The following LRRTM4 variants were observed in gnomAD, a reference collection of about 807,000 sequenced individuals.
The protein encoded by LRRTM4 is leucine rich repeat transmembrane neuronal 4.
Under a neutral mutation model 47.6 loss-of-function variants are expected in LRRTM4, and 25 were observed. The ratio of observed to expected loss-of-function variants is 0.53; its 90% CI spans 0.38 to 0.73. The LOEUF is 0.73. Among genes scored for constraint, LRRTM4 ranks in the 30% least tolerant of loss-of-function variants. The pLI is 0.00. For synonymous variants in LRRTM4, 311 were observed against 269.5 expected, an observed-to-expected ratio of 1.15 and a Z score of -1.51; for missense variants, 638 against 713.4, an observed-to-expected ratio of 0.89 and a Z score of 1.20.
At chr2:77,391,610 T>C (rs2103815392) in intron 3 of LRRTM4, among the ~76,000 whole-genome samples, 1 of 152,112 alleles carries the variant, frequency 6.6e-6, no homozygotes, top group Admixed American at 6.6e-5. Flanking sequence ...TACATCCATG[T>C]TCATGGAAAG....
At chr2:77,385,736 T>C (rs1252691482) in intron 3 of LRRTM4, among the ~76,000 whole-genome samples, 3 of 145,620 alleles carry the variant, frequency 2.1e-5, no homozygotes, top group Non-Finnish European at 4.5e-5. Flanking sequence ...ATGTAGTACA[T>C]GGTACTTTTT....
intron 3 of LRRTM4, among the ~76,000 whole-genome samples, chr2:77,104,815 T>C (rs1201848917): frequency 6.6e-6 from 1 of 152,190 alleles, no homozygotes; most frequent in African/African-American, 2.4e-5. Flanking sequence ...CCACTCATTG[T>C]TCACTTCAGG....
intron 3 of LRRTM4, among the ~76,000 whole-genome samples, chr2:77,173,374 T>C (rs952126020): frequency 2.6e-5 from 4 of 152,192 alleles, no homozygotes; most frequent in Non-Finnish European, 5.9e-5. Flanking sequence ...AATTATAGAA[T>C]GTCTGTTTAG....
chr2:77,188,604 A>G (rs112207684), intron 3 of LRRTM4, among the ~76,000 whole-genome samples: 81 of 152,192 alleles, frequency 5.3e-4, no homozygotes, highest in African/African-American at 1.8e-3. Flanking sequence ...TCCACACCCA[A>G]ATATGATCCA....
At chr2:77,052,428 C>A (rs1679467809) in intron 3 of LRRTM4, among the ~76,000 whole-genome samples, 1 of 151,968 alleles carries the variant, frequency 6.6e-6, no homozygotes, top group Non-Finnish European at 1.5e-5. Flanking sequence ...CTTGGCCTCC[C>A]AAAGTGCTGG....
chr2:76,910,519 A>G (rs999706132), intron 3 of LRRTM4, among the ~76,000 whole-genome samples: 2 of 152,170 alleles, frequency 1.3e-5, no homozygotes, highest in Non-Finnish European at 2.9e-5. Flanking sequence ...AAAAGGCATC[A>G]TTCTTATAGC....
chr2:76,944,595 G>C (rs140372214), intron 3 of LRRTM4, among the ~76,000 whole-genome samples: 1 of 152,098 alleles, frequency 6.6e-6, no homozygotes, highest in East Asian at 1.9e-4. Context: ...GAGGTATAAG[G>C]AGGTTCATCT....
chr2:77,224,755 C>G lies in LRRTM4; in HGVS notation c.1551+293563G>C, dbSNP rs1573103734. Among the ~76,000 whole-genome samples the G allele has an allele frequency of 1.3e-5, 2 of 152,252 alleles. 1 individual carries two copies. Among genetic ancestry groups the G allele is most frequent in the African/African-American group, 4.8e-5 (2 of 41,544 alleles). On this transcript the variant is annotated intron_variant, in intron 3 of 3. Coordinates refer to ENST00000409884, the MANE Select transcript of LRRTM4 (RefSeq NM_001134745.3). ...GTGGAGAAATAGGAACACTTTTACA[C>G]TGTTGGTGGGACTGTAAACTAGTTC...
At chr2:77,081,365 G>T (rs1391664789) in intron 3 of LRRTM4, among the ~76,000 whole-genome samples, 1 of 150,582 alleles carries the variant, frequency 6.6e-6, no homozygotes, top group Non-Finnish European at 1.5e-5. Context: ...ATTATAAAAT[G>T]TACATTTAAA....
intron 3 of LRRTM4, among the ~76,000 whole-genome samples, chr2:76,834,492 T>C (rs1479119332): frequency 6.6e-6 from 1 of 152,044 alleles, no homozygotes; most frequent in East Asian, 1.9e-4. Flanking sequence ...ATGTTTAAGA[T>C]CTAAGTACAA....
chr2:76,866,629 C>G (rs1558701704), intron 3 of LRRTM4, among the ~76,000 whole-genome samples: 1 of 152,022 alleles, frequency 6.6e-6, no homozygotes, highest in Non-Finnish European at 1.5e-5. Flanking sequence ...TTAGGTAACT[C>G]TGTCTCCTTG....
At chr2:76,792,727 T>C (rs186592189) in intron 3 of LRRTM4, among the ~76,000 whole-genome samples, 2 of 152,236 alleles carry the variant, frequency 1.3e-5, no homozygotes, top group East Asian at 3.9e-4. Context: ...CCTACTTCAG[T>C]ACATTTTTCC....
intron 3 of LRRTM4, among the ~76,000 whole-genome samples, chr2:77,235,255 T>C (rs1438226596): frequency 2.0e-5 from 3 of 152,138 alleles, no homozygotes; most frequent in Non-Finnish European, 4.4e-5. Flanking sequence ...TTTGGGATTG[T>C]AGTTTTAATT....
Position 76,926,325 on chromosome 2 carries a change from C to T in LRRTM4, c.1552-177409G>A, listed in dbSNP as rs142426554. On this transcript the variant is annotated intron_variant, in intron 3 of 3. Transcript: ENST00000409884. ...AAAAACAGTTTCAACAAGAATACAC[C>T]ACTGCCAATCAACAATAGTACCATA... 5.7e-3 allele frequency among the ~76,000 whole-genome samples: 862 copies of T among 152,048 alleles called. 29 individuals carry two copies. Among genetic ancestry groups the T allele is most frequent in the Admixed American group, 0.047 (717 of 15,258 alleles).
chr2:76,909,715 A>C (rs1442028537), intron 3 of LRRTM4, among the ~76,000 whole-genome samples: 3 of 152,252 alleles, frequency 2.0e-5, no homozygotes, highest in Non-Finnish European at 2.9e-5. Context: ...AAAAGAAGAC[A>C]TTTATGCAGC....
At chr2:76,982,204 T>C (rs1310747817) in intron 3 of LRRTM4, among the ~76,000 whole-genome samples, 1 of 152,082 alleles carries the variant, frequency 6.6e-6, no homozygotes, top group Non-Finnish European at 1.5e-5. Context: ...TTCCATTTTC[T>C]CACTCAGTCT....
chr2:77,184,263 C>T (rs887942096), intron 3 of LRRTM4, among the ~76,000 whole-genome samples: 2 of 151,918 alleles, frequency 1.3e-5, no homozygotes, highest in African/African-American at 2.4e-5. Flanking sequence ...ACTTCTACAA[C>T]TACAGTCTAA....
chr2:77,469,874 T>C (rs1197001812), intron 3 of LRRTM4, among the ~76,000 whole-genome samples: 1 of 152,168 alleles, frequency 6.6e-6, no homozygotes, highest in Non-Finnish European at 1.5e-5. Context: ...TAAGGGCATA[T>C]GAGGCAGATA....
Position 77,207,144 on chromosome 2 carries a change from A to T in LRRTM4, c.1551+311174T>A, listed in dbSNP as rs544344422. On this transcript the variant is annotated intron_variant, in intron 3 of 3. Coordinates refer to ENST00000409884, the MANE Select transcript of LRRTM4 (RefSeq NM_001134745.3). ...AGAAACTCACATATATTTTATATTT[A>T]TATATATATATATATATATAGAAAA... Among the ~76,000 whole-genome samples the T allele has an allele frequency of 2.4e-3, 304 of 128,628 alleles. 1 individual carries two copies. The highest frequency in any genetic ancestry group is 9.5e-3 in the African/African-American group (254 of 26,640). The allele number at this position is 128,628 out of a possible 152,430, so 84.4% of individuals were successfully genotyped here.
Sources: allele counts gnomAD v4.1 joint callset (sites outside exome capture counted in the v4.1 genomes callset), GRCh38; gene constraint gnomAD v4.1.1; transcripts MANE v1.5; gene names NCBI Gene and HGNC (gene_info 2026-07-23, HGNC 2026-07-21).